The following AK8 variants were observed in gnomAD, a reference collection of about 807,000 sequenced individuals.
AK8 encodes ATP-AMP transphosphorylase 8.
In AK8, 44 loss-of-function variants were observed where a neutral mutation model predicts 54.6. That is an observed-to-expected ratio of 0.81 (90% confidence interval 0.63 to 1.04). The LOEUF is 1.04. AK8 is among the 50% of genes least tolerant of loss of function. The probability of loss-of-function intolerance (pLI) is 0.00; values close to 1 mark genes in which losing one functional copy is unlikely to be tolerated. For synonymous variants in AK8, 239 were observed against 245.6 expected (o/e 0.97, Z 0.25); for missense variants, 555 against 613.6 (o/e 0.90, Z 1.01).
chr9:132,870,021 G>A (rs1843747647), intron 2 of AK8, among the ~76,000 whole-genome samples: 1 of 152,156 alleles, frequency 6.6e-6, no homozygotes, highest in Non-Finnish European at 1.5e-5. Context: ...GGCCCAACAG[G>A]GCTCAGGGCG....
At chr9:132,824,169 G>A (rs1018444948) in intron 8 of AK8, among the ~76,000 whole-genome samples, 3 of 152,202 alleles carry the variant, frequency 2.0e-5, no homozygotes, top group East Asian at 1.9e-4. Flanking sequence ...AGGGAGCTGT[G>A]AGAAAAGGCT....
Position 132,781,198 on chromosome 9 carries a change from C to T in AK8, c.1121+11436G>A, listed in dbSNP as rs1428076586. ...TTCTTTTTTTTTACTATTATTATTACGTTTTAACAAACTTTATAGCCCATT... is the reference window on the plus strand; with the variant it reads ...TTCTTTTTTTTTACTATTATTATTATGTTTTAACAAACTTTATAGCCCATT... On this transcript the variant is annotated intron_variant, in intron 11 of 12. Transcript: ENST00000298545. The surrounding 1 kb of genome is among the most constrained non-coding windows in gnomAD (Gnocchi z 4.6). 1.3e-5 allele frequency among the ~76,000 whole-genome samples: 2 copies of T among 151,978 alleles called. No individual in the cohort carries two copies. The highest frequency in any genetic ancestry group is 2.4e-5 in the African/African-American group (1 of 41,364).
intron 5 of AK8, among the ~76,000 whole-genome samples, chr9:132,841,220 G>T (rs1227263892): frequency 2.0e-5 from 3 of 152,198 alleles, no homozygotes; most frequent in African/African-American, 7.2e-5. Flanking sequence ...GTCCCTGTCT[G>T]AGTGTCCCTC....
chr9:132,814,209 G>A (rs774497589), intron 10 of AK8, among the ~76,000 whole-genome samples: 1 of 140,432 alleles, frequency 7.1e-6, no homozygotes, highest in Non-Finnish European at 1.5e-5. Flanking sequence ...AGCCCAGGAG[G>A]TTGAGGCTGT....
At chr9:132,855,768 C>T (rs1427024817) in intron 4 of AK8, among the ~76,000 whole-genome samples, 1 of 152,038 alleles carries the variant, frequency 6.6e-6, no homozygotes, top group South Asian at 2.1e-4. Flanking sequence ...CCATTCTTTG[C>T]TTTTTGTAAC....
intron 5 of AK8, among the ~76,000 whole-genome samples, chr9:132,832,974 A>T (rs1223124046): frequency 2.0e-5 from 3 of 152,156 alleles, no homozygotes; most frequent in African/African-American, 7.2e-5. Flanking sequence ...GGACTAAGAA[A>T]CAAGGTCCCC....
At chr9:132,859,044 G>T (rs1843284911) in intron 4 of AK8, among the ~76,000 whole-genome samples, 1 of 152,184 alleles carries the variant, frequency 6.6e-6, no homozygotes. Context: ...CTCAGGAAAG[G>T]GAGGGAGAGA....
intron 11 of AK8, among the ~76,000 whole-genome samples, chr9:132,787,078 C>T (rs1839741144): frequency 6.6e-6 from 1 of 151,970 alleles, no homozygotes; most frequent in African/African-American, 2.4e-5. Flanking sequence ...AAACAAAAAG[C>T]AGCAACTGAC....
rs541646315 is a variant in AK8 at position 132,828,004 on chromosome 9, T to C, written c.556+9A>G. 7.1e-6 allele frequency: 11 copies of C among 1,559,136 alleles called. No individual in the cohort carries two copies. The South Asian group carries it at 9.5e-5, about 13-fold the overall frequency. ...CCATGGGGCTGGGTGGGGGTGGCCG[T>C]AGCCATACCTCCAGTTTGAGGGTCG... On this transcript the variant is annotated intron_variant, in intron 7 of 12. Transcript: ENST00000298545.
rs75227723 is a variant in AK8 at position 132,798,785 on chromosome 9, G to A, written c.980-6010C>T. ...AAATCTCAATCCATTTATTCCCCGC[G>A]GGGCTGGGTGTGCTTGGCCCTTGGC... On this transcript the variant is annotated intron_variant, in intron 10 of 12. Coordinates refer to ENST00000298545, the MANE Select transcript of AK8 (RefSeq NM_152572.3). 3.2e-3 allele frequency among the ~76,000 whole-genome samples: 486 copies of A among 151,938 alleles called. 12 individuals carry two copies. Among genetic ancestry groups the A allele is most frequent in the Admixed American group, 0.021 (325 of 15,270 alleles).
chr9:132,769,439 C>T (rs1049560176), intron 11 of AK8: 4 of 152,160 alleles, frequency 2.6e-5, no homozygotes, highest in African/African-American at 9.7e-5. Flanking sequence ...AACACTTTCC[C>T]GGGAGGGACC....
At chr9:132,734,388 C>T (rs1399401055) in intron 11 of AK8, among the ~76,000 whole-genome samples, 2 of 152,134 alleles carry the variant, frequency 1.3e-5, no homozygotes, top group Non-Finnish European at 2.9e-5. Context: ...GCCTGGGCAC[C>T]ACTCCCGGAG....
chr9:132,831,439 T>TAC (rs142360627), intron 5 of AK8, among the ~76,000 whole-genome samples: 22 of 151,854 alleles, frequency 1.4e-4, no homozygotes, highest in African/African-American at 3.6e-4. Flanking sequence ...AGTCTAGAGT[T>TAC]ACACACACAC....
At chr9:132,742,188 T>A (rs961204335) in intron 11 of AK8, among the ~76,000 whole-genome samples, 2 of 150,600 alleles carry the variant, frequency 1.3e-5, no homozygotes, top group African/African-American at 4.9e-5. Flanking sequence ...TTTTTTTTTT[T>A]GAGAGAGATA....
In AK8 at chr9:132,725,668, C is replaced by T. The variant is rs979680875; in HGVS notation, c.*20G>A. The T allele has an allele frequency of 4.1e-5, 64 of 1,547,744 alleles. No homozygotes were observed. The East Asian group carries it at 1.0e-3, about 25-fold the overall frequency. ...GGGATTAACTCTTTCCCTGGGGCAG[C>T]GCTCCTGGCTCTGAACCCATCAGGG... On this transcript the variant is annotated 3_prime_UTR_variant, in exon 13 of 13. Transcript: ENST00000298545.
chr9:132,831,023 C>A (rs941459189), intron 5 of AK8, among the ~76,000 whole-genome samples: 7 of 152,238 alleles, frequency 4.6e-5, no homozygotes, highest in South Asian at 2.1e-4. Context: ...AACTCACCCA[C>A]AATACAGTCT....
chr9:132,823,602 C>T (rs1215011843), intron 8 of AK8, among the ~76,000 whole-genome samples: 37 of 152,216 alleles, frequency 2.4e-4, no homozygotes. Context: ...CGTCTAAACA[C>T]GTGCAGGTGT....
At chr9:132,830,988 T>A (rs1353794869) in intron 5 of AK8, among the ~76,000 whole-genome samples, 3 of 152,210 alleles carry the variant, frequency 2.0e-5, no homozygotes, top group African/African-American at 7.2e-5. Flanking sequence ...CTACTCTGTT[T>A]CCTTATGGCT....
chr9:132,809,437 A>G (rs454142), intron 10 of AK8, among the ~76,000 whole-genome samples: 42,852 of 151,998 alleles, frequency 0.28, 6,198 homozygotes, highest in East Asian at 0.49. Context: ...ACGACAGGCC[A>G]AGTCCCTCCG....
Sources: allele counts gnomAD v4.1 joint callset (sites outside exome capture counted in the v4.1 genomes callset), GRCh38; gene constraint gnomAD v4.1.1; non-coding constraint Gnocchi (gnomAD v3.1); transcripts MANE v1.5; gene names NCBI Gene and HGNC (gene_info 2026-07-23, HGNC 2026-07-21).